ADAM19: variants seen among roughly 807,000 people sequenced by gnomAD.
ADAM19 encodes disintegrin and metalloproteinase domain-containing protein 19.
ADAM19 carries 65 observed loss-of-function variants against 114.7 expected under a neutral mutation model. The observed-to-expected ratio is 0.57, with a 90% CI of 0.46 to 0.70. ADAM19 has a LOEUF of 0.70. ADAM19 is among the 30% of genes least tolerant of loss of function. The probability of loss-of-function intolerance (pLI) is 0.00; values close to 1 mark genes in which losing one functional copy is unlikely to be tolerated. For synonymous variants in ADAM19, 466 were observed against 460.5 expected (o/e 1.01, Z -0.15); for missense variants, 1,063 against 1,204.7 (o/e 0.88, Z 1.74).
chr5:157,489,952 A>G (rs929455631), intron 19 of ADAM19, among the ~76,000 whole-genome samples: 2 of 152,256 alleles, frequency 1.3e-5, no homozygotes, highest in African/African-American at 4.8e-5. Context: ...GCACCACTGC[A>G]TTCCAGCCTG....
At chr5:157,558,601 T>C (rs1757425298) in intron 3 of ADAM19, among the ~76,000 whole-genome samples, 1 of 152,206 alleles carries the variant, frequency 6.6e-6, no homozygotes, top group Non-Finnish European at 1.5e-5. Context: ...ATGAAGCTCC[T>C]GACAAGAGAG....
chr5:157,494,564 C>T (rs1308766788), intron 15 of ADAM19, 123 bp downstream of exon 15: 1 of 724,880 alleles, frequency 1.4e-6, no homozygotes, highest in East Asian at 2.8e-5. Context: ...TGACTGACTT[C>T]AACTGATTGA....
intron 12 of ADAM19, 149 bp downstream of exon 12, chr5:157,502,654 C>A: frequency 1.2e-6 from 1 of 863,474 alleles, no homozygotes; most frequent in East Asian, 2.5e-5. Context: ...TGGAAGGCTT[C>A]TTCATATCTG....
rs1755178728 is a variant in ADAM19 at position 157,491,923 on chromosome 5, A to C, written c.1909-11T>G. On this transcript the variant is annotated splice_polypyrimidine_tract_variant and intron_variant, in intron 16 of 22. Transcript: ENST00000257527. The stretch of plus-strand genomic sequence containing the variant: ...CCCCTCAAAGCAAATCTGCACGGAG[A>C]GAAAACAGAACGATCAGTGCAATGG... The C allele has an allele frequency of 6.2e-7, 1 of 1,613,898 alleles. No homozygotes were observed. Among genetic ancestry groups the C allele is most frequent in the Non-Finnish European group, 8.5e-7 (1 of 1,179,750 alleles).
chr5:157,545,829 T>A (rs1019924687), intron 3 of ADAM19, among the ~76,000 whole-genome samples: 2 of 152,212 alleles, frequency 1.3e-5, no homozygotes, highest in African/African-American at 4.8e-5. Flanking sequence ...TGCAATCTCA[T>A]GAATAACTGC....
intron 3 of ADAM19, among the ~76,000 whole-genome samples, chr5:157,542,729 C>G (rs781285230): frequency 2.6e-5 from 4 of 152,198 alleles, no homozygotes; most frequent in Non-Finnish European, 5.9e-5. Context: ...CGCTTGAACT[C>G]GGGAGGCGGA....
intron 2 of ADAM19, among the ~76,000 whole-genome samples, chr5:157,565,604 G>A (rs1359257847): frequency 6.6e-6 from 1 of 152,012 alleles, no homozygotes; most frequent in Admixed American, 6.6e-5. Context: ...AGCTACTCGG[G>A]AGGCTGAGGC....
At chr5:157,506,518 C>A (rs1164784731) in intron 10 of ADAM19, among the ~76,000 whole-genome samples, 1 of 152,180 alleles carries the variant, frequency 6.6e-6, no homozygotes, top group African/African-American at 2.4e-5. Context: ...GGCCATTATG[C>A]TACTTTGTCG....
At chr5:157,500,594 G>T (rs1351148855) in intron 12 of ADAM19, among the ~76,000 whole-genome samples, 1 of 152,014 alleles carries the variant, frequency 6.6e-6, no homozygotes, top group East Asian at 1.9e-4. Flanking sequence ...CATGAAAAGG[G>T]GCTGCCGGTG....
In ADAM19 at chr5:157,505,572, G is replaced by C. The variant is rs1755715790; in HGVS notation, c.1130+97C>G. 5.7e-6 allele frequency: 8 copies of C among 1,403,464 alleles called. No individual in the cohort carries two copies. In the South Asian group the frequency reaches 7.4e-5, roughly 13 times the overall value. The allele number at this position is 1,403,464 out of a possible 1,614,324, so 86.9% of individuals were successfully genotyped here. On this transcript the variant is annotated intron_variant, in intron 11 of 22. Coordinates refer to ENST00000257527, the MANE Select transcript of ADAM19 (RefSeq NM_033274.5). ...TTTTTTGGCCCCATCAGAAGTTTAAGGGAGTCTCAGTGGGGCCAGCTGGGA... is the reference window on the plus strand; with the variant it reads ...TTTTTTGGCCCCATCAGAAGTTTAACGGAGTCTCAGTGGGGCCAGCTGGGA...
At chr5:157,573,077 T>C (rs1481940529) in intron 1 of ADAM19, among the ~76,000 whole-genome samples, 2 of 152,208 alleles carry the variant, frequency 1.3e-5, no homozygotes, top group African/African-American at 4.8e-5. Context: ...CTGGTGGCTC[T>C]GATAAGTCTA....
intron 8 of ADAM19, among the ~76,000 whole-genome samples, chr5:157,511,476 C>T (rs1581315456): frequency 6.6e-6 from 1 of 152,188 alleles, no homozygotes; most frequent in East Asian, 1.9e-4. Flanking sequence ...AGATAATCCA[C>T]TCGCTCCAAG....
intron 5 of ADAM19, among the ~76,000 whole-genome samples, chr5:157,528,790 C>T (rs1173156348): frequency 1.3e-5 from 2 of 152,180 alleles, no homozygotes; most frequent in African/African-American, 4.8e-5. Flanking sequence ...ACTATAATTA[C>T]AGCAATAATC....
chr5:157,564,145 T>C (rs1194367542), intron 3 of ADAM19, among the ~76,000 whole-genome samples: 5 of 152,184 alleles, frequency 3.3e-5, no homozygotes, highest in Admixed American at 2.0e-4. Flanking sequence ...GCCCCTGAAA[T>C]ACTGCCTAAG....
intron 1 of ADAM19, 122 bp from the exon 2 acceptor site, chr5:157,571,102 C>G (rs1222390556): frequency 1.1e-5 from 8 of 749,284 alleles, no homozygotes; most frequent in Middle Eastern, 3.6e-4. Context: ...GGATTTCAGG[C>G]TCTTGGCACT....
chr5:157,538,056 G>C (rs569622848), intron 3 of ADAM19, 65 bp from the exon 4 acceptor site: 3 of 1,365,432 alleles, frequency 2.2e-6, no homozygotes, highest in African/African-American at 2.9e-5. Flanking sequence ...TAGCAACAAC[G>C]AGTGATTTTA....
intron 13 of ADAM19, among the ~76,000 whole-genome samples, chr5:157,497,968 T>C (rs1755421604): frequency 6.6e-6 from 1 of 152,192 alleles, no homozygotes; most frequent in African/African-American, 2.4e-5. Context: ...AAACGGAAAT[T>C]CTTGTGTGGA....
chr5:157,480,691 A>T lies in ADAM19; in HGVS notation c.*258T>A, dbSNP rs1754719383. 2.3e-6 allele frequency: 3 copies of T among 1,299,254 alleles called. No individual in the cohort carries two copies. The South Asian group carries it at 5.7e-5, about 25-fold the overall frequency. 80.5% of individuals were successfully genotyped at this position (1,299,254 alleles called of 1,614,324 possible). On this transcript the variant is annotated 3_prime_UTR_variant, in exon 23 of 23. Coordinates refer to ENST00000257527, the MANE Select transcript of ADAM19 (RefSeq NM_033274.5). The stretch of plus-strand genomic sequence containing the variant: ...GGAGAAGCTGCCAGTCACCCTCCTC[A>T]TACTCTCCCCTCCCTACCTGGGGCT...
chr5:157,509,561 G>GA, intron 8 of ADAM19, 94 bp from the exon 9 acceptor site: 1 of 996,826 alleles, frequency 1.0e-6, no homozygotes, highest in Non-Finnish European at 1.3e-6. Flanking sequence ...AGATTAAAAA[G>GA]AAAAAAACTA....
Sources: allele counts gnomAD v4.1 joint callset (sites outside exome capture counted in the v4.1 genomes callset), GRCh38; gene constraint gnomAD v4.1.1; transcripts MANE v1.5; gene names NCBI Gene and HGNC (gene_info 2026-07-23, HGNC 2026-07-21).